The following QTMAN variants were observed in gnomAD, a reference collection of about 807,000 sequenced individuals.
QTMAN encodes the protein queuosine-tRNA mannosyltransferase, also known as tRNA-queuosine alpha-mannosyltransferase.
chr2:143,948,124 GGAC>G, the QTMAN span, among the ~76,000 whole-genome samples: 1 of 152,058 alleles, frequency 6.6e-6, no homozygotes, highest in Non-Finnish European at 1.5e-5. Flanking sequence ...AATTAAAAGG[GGAC>G]TATAAGGTGA....
At chr2:144,168,003 C>A in the QTMAN span, among the ~76,000 whole-genome samples, 5 of 152,154 alleles carry the variant, frequency 3.3e-5, no homozygotes, top group African/African-American at 1.2e-4. Context: ...CAACTCCTTT[C>A]TAACATATTG....
the QTMAN span, among the ~76,000 whole-genome samples, chr2:144,082,880 A>C: frequency 6.6e-6 from 1 of 152,008 alleles, no homozygotes; most frequent in Admixed American, 6.6e-5. Flanking sequence ...AAAGGAATTA[A>C]AATACACACG....
the QTMAN span, among the ~76,000 whole-genome samples, chr2:144,041,936 A>C: frequency 3.4e-4 from 52 of 152,238 alleles, no homozygotes; most frequent in African/African-American, 1.2e-3. Flanking sequence ...TTGTGTGTAT[A>C]TGTGGAGAGG....
chr2:144,223,398 T>G, the QTMAN span, among the ~76,000 whole-genome samples: 30 of 152,228 alleles, frequency 2.0e-4, no homozygotes, highest in Non-Finnish European at 3.5e-4. Context: ...AGCACAAACT[T>G]GATATGAAAA....
chr2:143,967,821 G>A, the QTMAN span, among the ~76,000 whole-genome samples: 1 of 152,164 alleles, frequency 6.6e-6, no homozygotes, highest in Admixed American at 6.5e-5. Context: ...ATACCTCAGT[G>A]GCTAAAGCAC....
the QTMAN span, among the ~76,000 whole-genome samples, chr2:144,331,119 T>C: frequency 6.6e-6 from 1 of 152,164 alleles, no homozygotes; most frequent in Non-Finnish European, 1.5e-5. Context: ...TAATCCTCAA[T>C]ACTAAAACTG....
chr2:144,181,021 C>A, the QTMAN span, among the ~76,000 whole-genome samples: 1 of 151,972 alleles, frequency 6.6e-6, no homozygotes, highest in Non-Finnish European at 1.5e-5. Context: ...TATCATATAC[C>A]ACCTCTCTGA....
chr2:144,273,961 C>T, the QTMAN span, among the ~76,000 whole-genome samples: 5 of 152,242 alleles, frequency 3.3e-5, no homozygotes, highest in East Asian at 9.7e-4. Flanking sequence ...TGGTGAAACC[C>T]CATCTCTACT....
At chr2:144,167,974 T>C in the QTMAN span, among the ~76,000 whole-genome samples, 1 of 152,166 alleles carries the variant, frequency 6.6e-6, no homozygotes, top group Non-Finnish European at 1.5e-5. Flanking sequence ...AGTATCTTCT[T>C]AAAAAACTTT....
At chr2:144,308,197 C>T in the QTMAN span, among the ~76,000 whole-genome samples, 286 of 137,390 alleles carry the variant, frequency 2.1e-3, no homozygotes, top group African/African-American at 7.7e-3. Context: ...GACAGAGTCT[C>T]GCACTGTCAC....
the QTMAN span, among the ~76,000 whole-genome samples, chr2:143,954,285 C>T: frequency 6.6e-6 from 1 of 151,868 alleles, no homozygotes; most frequent in Non-Finnish European, 1.5e-5. Context: ...CTGTGCCAAT[C>T]GAAAAGCAAA....
At chr2:144,071,741 T>C in the QTMAN span, among the ~76,000 whole-genome samples, 1 of 152,202 alleles carries the variant, frequency 6.6e-6, no homozygotes, top group Non-Finnish European at 1.5e-5. Flanking sequence ...TCAAATTCTA[T>C]ACTCTGTCCT....
the QTMAN span, among the ~76,000 whole-genome samples, chr2:144,164,404 A>G: frequency 6.6e-6 from 1 of 152,070 alleles, no homozygotes; most frequent in Admixed American, 6.5e-5. Flanking sequence ...TACCATTATT[A>G]TTATTAAATT....
the QTMAN span, among the ~76,000 whole-genome samples, chr2:144,066,730 T>G: frequency 6.6e-6 from 1 of 152,176 alleles, no homozygotes; most frequent in Non-Finnish European, 1.5e-5. Flanking sequence ...GCAGGAGAAT[T>G]GCTTGAACCT....
the QTMAN span, chr2:144,141,768 C>T: frequency 1.4e-6 from 1 of 725,134 alleles, no homozygotes; most frequent in Admixed American, 2.5e-5. Context: ...ACTTAATTCT[C>T]TAACTAACCA....
the QTMAN span, among the ~76,000 whole-genome samples, chr2:144,086,385 A>G: frequency 6.6e-6 from 1 of 152,104 alleles, no homozygotes; most frequent in Non-Finnish European, 1.5e-5. Context: ...GGGCTCAAGT[A>G]ATCTTCCCGC....
chr2:144,233,945 T>A, the QTMAN span, among the ~76,000 whole-genome samples: 1 of 151,970 alleles, frequency 6.6e-6, no homozygotes, highest in South Asian at 2.1e-4. Flanking sequence ...AATACATGAT[T>A]CACAATCACA....
the QTMAN span, among the ~76,000 whole-genome samples, chr2:144,108,443 C>T: frequency 6.6e-6 from 1 of 152,018 alleles, no homozygotes; most frequent in East Asian, 1.9e-4. Context: ...ATGGAGACCA[C>T]CTTGGCTAAC....
chr2:144,133,273 ATT>A, the QTMAN span, among the ~76,000 whole-genome samples: 1 of 69,702 alleles, frequency 1.4e-5, no homozygotes, highest in South Asian at 3.4e-4. Flanking sequence ...ATAAATATAT[ATT>A]TATATATACA....
Sources: allele counts gnomAD v4.1 joint callset (sites outside exome capture counted in the v4.1 genomes callset), GRCh38; gene constraint gnomAD v4.1.1; transcripts MANE v1.5; gene names NCBI Gene and HGNC (gene_info 2026-07-23, HGNC 2026-07-21).